PKP4: variants seen among roughly 807,000 people sequenced by gnomAD.
PKP4 encodes plakophilin-4.
A neutral mutation model predicts 145.1 loss-of-function variants in PKP4; 90 were observed. The ratio of observed to expected loss-of-function variants is 0.62; its 90% CI spans 0.52 to 0.74. The LOEUF (loss-of-function observed/expected upper bound fraction) is 0.74. Among genes scored for constraint, PKP4 ranks in the 30% least tolerant of loss-of-function variants. The probability of loss-of-function intolerance (pLI) is 0.00; values close to 1 mark genes in which losing one functional copy is unlikely to be tolerated. For missense variants in PKP4, 1,340 were observed against 1,482.7 expected (o/e 0.90, Z 1.58); for synonymous variants, 563 against 577.2 (o/e 0.98, Z 0.35).
At chr2:158,633,971 C>T in intron 8 of PKP4, 99 bp from the exon 9 acceptor site, 8 of 671,812 alleles carry the variant, frequency 1.2e-5, no homozygotes, top group South Asian at 4.8e-5. Context: ...ATATAATTGC[C>T]AAAAAATATA....
chr2:158,483,412 T>A (rs1693673371), intron 1 of PKP4, among the ~76,000 whole-genome samples: 2 of 151,968 alleles, frequency 1.3e-5, no homozygotes, highest in Admixed American at 1.3e-4. Flanking sequence ...CTGCTTTTAT[T>A]ATTGAGGTTT....
At chr2:158,501,278 A>ATATACC (rs1362912890) in intron 1 of PKP4, among the ~76,000 whole-genome samples, 6 of 152,188 alleles carry the variant, frequency 3.9e-5, no homozygotes, top group Non-Finnish European at 8.8e-5. Flanking sequence ...AAACAAAACA[A>ATATACC]TATACCCCAA....
In PKP4 at chr2:158,642,669, A is replaced by G. The variant is rs751967148; in HGVS notation, c.1879A>G (p.Ile627Val). 6.4e-5 allele frequency: 103 copies of G among 1,609,802 alleles called. No homozygotes were observed. The highest frequency in any genetic ancestry group is 8.4e-5 in the Non-Finnish European group (99 of 1,177,240). ...PALLRLLRKS[I>V]DAEVRELVTG... ...CTTGTTGCGACTGTTGAGAAAATCT[A>G]TTGATGCAGAAGTAAGGGAGCTTGT... Residue 627 changes from isoleucine to valine, a missense_variant, in exon 11 of 22, where the codon ATT becomes GTT. Ile to Val is a conservative substitution (Grantham distance 29, BLOSUM62 3). Transcript: ENST00000389759.
At chr2:158,597,767 TATAA>T (rs1332480256) in intron 3 of PKP4, among the ~76,000 whole-genome samples, 1 of 152,230 alleles carries the variant, frequency 6.6e-6, no homozygotes, top group African/African-American at 2.4e-5. Flanking sequence ...TATATTCATA[TATAA>T]ATATACATGT....
chr2:158,582,785 C>A (rs2048444047), intron 3 of PKP4, among the ~76,000 whole-genome samples: 1 of 152,188 alleles, frequency 6.6e-6, no homozygotes, highest in African/African-American at 2.4e-5. Flanking sequence ...GATGGAATAG[C>A]ACCTTAACTA....
chr2:158,670,757 A>ATG (rs1189925618), intron 17 of PKP4, among the ~76,000 whole-genome samples: 5 of 152,166 alleles, frequency 3.3e-5, no homozygotes, highest in Non-Finnish European at 1.5e-5. Context: ...TGGCCTCAGG[A>ATG]TGTGCCCCAG....
intron 4 of PKP4, among the ~76,000 whole-genome samples, chr2:158,614,841 A>AAGT (rs1423969552): frequency 1.3e-5 from 2 of 152,144 alleles, no homozygotes; most frequent in African/African-American, 4.8e-5. Context: ...AGAAATTGTC[A>AAGT]AGTCTGAAAA....
intron 2 of PKP4, among the ~76,000 whole-genome samples, chr2:158,556,131 A>G (rs565378038): frequency 6.6e-6 from 1 of 152,360 alleles, no homozygotes; most frequent in East Asian, 1.9e-4. Flanking sequence ...AAGTTTTGAA[A>G]TAGCTTAAAG....
intron 1 of PKP4, among the ~76,000 whole-genome samples, chr2:158,512,978 A>AAGATGG (rs2041642241): frequency 6.6e-6 from 1 of 152,244 alleles, no homozygotes; most frequent in Admixed American, 6.5e-5. Flanking sequence ...AGAAGAGTTC[A>AAGATGG]TCTCAGGACC....
chr2:158,521,803 A>T (rs973790389), intron 1 of PKP4, among the ~76,000 whole-genome samples: 13 of 152,124 alleles, frequency 8.5e-5, no homozygotes, highest in Non-Finnish European at 1.2e-4. Flanking sequence ...AACAAAGAGG[A>T]ACTTATGTTT....
At chr2:158,624,415 A>T (rs2052553902) in intron 6 of PKP4, among the ~76,000 whole-genome samples, 1 of 152,234 alleles carries the variant, frequency 6.6e-6, no homozygotes, top group Non-Finnish European at 1.5e-5. Flanking sequence ...ATTTAGACTG[A>T]TATATTCAAA....
intron 1 of PKP4, among the ~76,000 whole-genome samples, chr2:158,474,230 AAG>A (rs1692083975): frequency 6.6e-6 from 1 of 152,382 alleles, no homozygotes; most frequent in African/African-American, 2.4e-5. Flanking sequence ...CCGAAAGTAC[AAG>A]ACTCTGGCTG....
At chr2:158,624,279 A>G (rs940256694) in intron 6 of PKP4, among the ~76,000 whole-genome samples, 3 of 152,244 alleles carry the variant, frequency 2.0e-5, no homozygotes, top group African/African-American at 7.2e-5. Flanking sequence ...AAGTAAATTC[A>G]CAGTGGAGAG....
chr2:158,522,452 T>C (rs981391774), intron 1 of PKP4, among the ~76,000 whole-genome samples: 1 of 152,160 alleles, frequency 6.6e-6, no homozygotes, highest in Admixed American at 6.5e-5. Flanking sequence ...GATACATACA[T>C]GCATACACAA....
intron 1 of PKP4, among the ~76,000 whole-genome samples, chr2:158,466,700 A>C (rs531930560): frequency 5.9e-5 from 9 of 152,342 alleles, no homozygotes; most frequent in African/African-American, 2.2e-4. Context: ...GCGAAACTCC[A>C]TTTCAAAAAG....
chr2:158,483,335 G>T, intron 1 of PKP4, among the ~76,000 whole-genome samples: 1 of 148,678 alleles, frequency 6.7e-6, no homozygotes, highest in East Asian at 2.0e-4. Flanking sequence ...TTTCTTTTCT[G>T]TGTATAAACA....
At chr2:158,626,457 G>C (rs2052795825) in intron 7 of PKP4, among the ~76,000 whole-genome samples, 1 of 152,184 alleles carries the variant, frequency 6.6e-6, no homozygotes, top group Admixed American at 6.5e-5. Context: ...TTAGCTGTTA[G>C]AGATGATGTA....
In PKP4 at chr2:158,621,244, C is replaced by T. The variant is rs202126604; in HGVS notation, c.426C>T (p.Asn142=). The T allele has an allele frequency of 6.2e-7, 1 of 1,614,084 alleles. No homozygotes were observed. Among genetic ancestry groups the T allele is most frequent in the Non-Finnish European group, 8.5e-7 (1 of 1,179,972 alleles). ...SLHESEGSLG[N]SRSSTQMNSY... The stretch of plus-strand genomic sequence containing the variant: ...TCATTCTTACAGGATCATTGGGTAA[C>T]TCAAGAAGTTCAACACAAATGAATT... The change falls in exon 6 of 22, where the codon AAC becomes AAT. Residue 142 remains asparagine, a synonymous_variant. Coordinates refer to ENST00000389759, the MANE Select transcript of PKP4 (RefSeq NM_003628.6).
At chr2:158,466,219 C>CTA (rs1690582657) in intron 1 of PKP4, among the ~76,000 whole-genome samples, 3 of 152,148 alleles carry the variant, frequency 2.0e-5, no homozygotes, top group Non-Finnish European at 2.9e-5. Flanking sequence ...CCTTCACCTG[C>CTA]TACTCTTGGA....
Sources: allele counts gnomAD v4.1 joint callset (sites outside exome capture counted in the v4.1 genomes callset), GRCh38; gene constraint gnomAD v4.1.1; transcripts MANE v1.5; gene names NCBI Gene and HGNC (gene_info 2026-07-23, HGNC 2026-07-21).